The following RELL1 variants were observed in gnomAD, a reference collection of about 807,000 sequenced individuals.
RELL1 encodes the protein RELT like 1, also known as RELT-like protein 1.
In RELL1, 10 loss-of-function variants were observed where a neutral mutation model predicts 23.0. The ratio of observed to expected loss-of-function variants is 0.43; its 90% CI spans 0.27 to 0.74. The LOEUF (loss-of-function observed/expected upper bound fraction) is 0.74, where lower values mean the gene tolerates loss of function less well. RELL1 is among the 30% of genes least tolerant of loss of function. RELL1 has a pLI of 0.19. For missense variants in RELL1, 315 were observed against 364.4 expected (o/e 0.86, Z 1.10); for synonymous variants, 146 against 146.8 (o/e 0.99, Z 0.04).
rs554797307 is a variant in RELL1, at chr4:37,643,877, G to A, written c.385+3491C>T. On this transcript the variant is annotated intron_variant, in intron 3 of 6. Coordinates refer to ENST00000454158, the MANE Select transcript of RELL1 (RefSeq NM_001085400.2). Reference sequence around the variant, plus strand: ...GCTGAAGAGGCCACAGCTGGAAAGGGGTGTGCAGCAACATCAGGTATTACC... The same window carrying A: ...GCTGAAGAGGCCACAGCTGGAAAGGAGTGTGCAGCAACATCAGGTATTACC... Among the ~76,000 whole-genome samples the A allele has an allele frequency of 3.9e-5, 6 of 152,316 alleles. No homozygotes were observed. The East Asian group carries it at 9.7e-4, about 25-fold the overall frequency.
intron 5 of RELL1, among the ~76,000 whole-genome samples, chr4:37,632,084 G>GAAAA (rs1183120605): frequency 0.013 from 561 of 44,380 alleles, 13 homozygotes; most frequent in African/African-American, 0.019. Context: ...TCTCAATAAG[G>GAAAA]AAAAAAAAAA....
intron 1 of RELL1, chr4:37,665,417 T>C: frequency 2.6e-6 from 1 of 391,672 alleles, no homozygotes; most frequent in Non-Finnish European, 5.1e-6. Flanking sequence ...AGCAGCACAT[T>C]CCTAAACCCA....
At chr4:37,625,592 A>C (rs1319018030) in intron 6 of RELL1, among the ~76,000 whole-genome samples, 1 of 152,218 alleles carries the variant, frequency 6.6e-6, no homozygotes, top group East Asian at 1.9e-4. Flanking sequence ...AAGGACATAA[A>C]ATTTCAATTA....
At chr4:37,590,635 C>T, downstream of RELL1, 1 of 1,614,094 alleles carries the variant, frequency 6.2e-7, no homozygotes, top group Non-Finnish European at 8.5e-7. Flanking sequence ...GCATTGGGGC[C>T]CAGCTGGAGA....
Position 37,612,259 on chromosome 4 carries a change from T to G in RELL1, c.*1087A>C, listed in dbSNP as rs1185714822. ...GGTTGTCCAAACAAATTTGTGTGTG[T>G]GTGACTTTCAACCATTTTCTCCTTT... On this transcript the variant is annotated 3_prime_UTR_variant, in exon 7 of 7. Coordinates refer to ENST00000454158, the MANE Select transcript of RELL1 (RefSeq NM_001085400.2). 3.4e-5 allele frequency among the ~76,000 whole-genome samples: 5 copies of G among 146,752 alleles called. No individual in the cohort carries two copies. The highest frequency in any genetic ancestry group is 6.0e-5 in the Non-Finnish European group (4 of 67,022).
chr4:37,659,771 C>G (rs763882488), intron 1 of RELL1, among the ~76,000 whole-genome samples: 1 of 152,060 alleles, frequency 6.6e-6, no homozygotes, highest in Non-Finnish European at 1.5e-5. Context: ...GATGAAGACA[C>G]GAGCCCATCC....
At chr4:37,626,059 G>C (rs907471445) in intron 6 of RELL1, among the ~76,000 whole-genome samples, 1 of 152,092 alleles carries the variant, frequency 6.6e-6, no homozygotes, top group Non-Finnish European at 1.5e-5. Context: ...CCTCACACCT[G>C]TTAGAATGAC....
chr4:37,592,765 T>C (rs1170432893), intron 6 of RELL1, among the ~76,000 whole-genome samples: 1 of 152,212 alleles, frequency 6.6e-6, no homozygotes, highest in African/African-American at 2.4e-5. Context: ...TATGTGCTTG[T>C]AAAGGTTAAA....
rs565601112 is a variant in RELL1, at chr4:37,611,008, G to A, written c.*2338C>T. On this transcript the variant is annotated 3_prime_UTR_variant, in exon 7 of 7. Transcript: ENST00000454158. ...TTTGGAAGCCTGCCAGACAAAAACC[G>A]CTCAAGTATTTATTAGAAAATATTT... Among the ~76,000 whole-genome samples the A allele has an allele frequency of 2.0e-5, 3 of 152,178 alleles. No homozygotes were observed. The highest frequency in any genetic ancestry group is 6.5e-5 in the Admixed American group (1 of 15,288).
At chr4:37,610,272 T>C (rs1429918643), downstream of RELL1, among the ~76,000 whole-genome samples, 2 of 152,082 alleles carry the variant, frequency 1.3e-5, no homozygotes, top group Non-Finnish European at 2.9e-5. This position sits in a 1 kb window ranked among gnomAD's most constrained non-coding sequence, Gnocchi z 4.1. Context: ...TAAATTAAGG[T>C]ATGTATGTTT....
intron 6 of RELL1, among the ~76,000 whole-genome samples, chr4:37,624,581 G>T (rs566613236): frequency 1.3e-5 from 2 of 151,384 alleles, no homozygotes; most frequent in African/African-American, 4.9e-5. Context: ...CCGCCACCAC[G>T]CCCGGCTAAT....
intron 6 of RELL1, among the ~76,000 whole-genome samples, chr4:37,603,106 A>G (rs1719057799): frequency 6.6e-6 from 1 of 152,238 alleles, no homozygotes; most frequent in African/African-American, 2.4e-5. Flanking sequence ...AAAAATCACG[A>G]GTACTTTCTG....
At chr4:37,619,498 A>G (rs967200017) in intron 6 of RELL1, among the ~76,000 whole-genome samples, 1 of 152,068 alleles carries the variant, frequency 6.6e-6, no homozygotes, top group Non-Finnish European at 1.5e-5. Context: ...CCTTTTAACC[A>G]AGGTGACCAC....
intron 5 of RELL1, among the ~76,000 whole-genome samples, chr4:37,634,008 G>A (rs891834016): frequency 1.2e-4 from 18 of 152,380 alleles, no homozygotes; most frequent in African/African-American, 4.3e-4. Flanking sequence ...TCCAGCATGT[G>A]TGTTCCTTAC....
At chr4:37,631,600 C>T in intron 5 of RELL1, 77 bp from the exon 6 acceptor site, 1 of 1,508,164 alleles carries the variant, frequency 6.6e-7, no homozygotes, top group Admixed American at 2.1e-5. Context: ...AAAAATCATC[C>T]ACCCAGAGGA....
chr4:37,611,745 AAAAG>A lies in RELL1; in HGVS notation c.*1597_*1600del, dbSNP rs1432070731. On this transcript the variant is annotated 3_prime_UTR_variant, in exon 7 of 7. Transcript: ENST00000454158. ...TGTACAGTTATAAAAAAAAAAAAGAAAAAGAAAAGTTTGCCAGGCCTAAAGGGAA... is the reference window on the plus strand; with the variant it reads ...TGTACAGTTATAAAAAAAAAAAAGAAAAAAGTTTGCCAGGCCTAAAGGGAA... Among the ~76,000 whole-genome samples, 1 of 152,122 alleles carries A rather than the reference AAAAG, an allele frequency of 6.6e-6. No homozygotes were observed. Among genetic ancestry groups the A allele is most frequent in the East Asian group, 1.9e-4 (1 of 5,196 alleles).
At chr4:37,685,850 G>T (rs1474132412) in intron 1 of RELL1, among the ~76,000 whole-genome samples, 1 of 152,272 alleles carries the variant, frequency 6.6e-6, no homozygotes, top group Non-Finnish European at 1.5e-5. Context: ...AAGGGCGGCG[G>T]GAAACGGGTC....
intron 1 of RELL1, among the ~76,000 whole-genome samples, chr4:37,674,540 G>A (rs919007): frequency 0.91 from 139,209 of 152,324 alleles, 63,923 homozygotes; most frequent in Non-Finnish European, 0.96. Context: ...CATTCAGGCC[G>A]TACGAGCATA....
At chr4:37,590,871 G>C in exon 7 of RELL1, 2 of 1,614,248 alleles carry the variant, frequency 1.2e-6, no homozygotes, top group Non-Finnish European at 1.7e-6. Context: ...CAGGAAACAG[G>C]CAGGAGGATA....
Sources: gnomAD v4.1 joint callset for allele counts (sites outside exome capture counted in the v4.1 genomes callset) on GRCh38, gnomAD v4.1.1 for gene constraint, Gnocchi (gnomAD v3.1) non-coding constraint, MANE v1.5 for transcripts, NCBI Gene and HGNC (gene_info 2026-07-23, HGNC 2026-07-21) for gene names.